ARHGAP26: variants seen among roughly 807,000 people sequenced by gnomAD.
ARHGAP26 encodes rho GTPase-activating protein 26.
ARHGAP26 carries 38 observed loss-of-function variants against 104.8 expected under a neutral mutation model. The ratio of observed to expected loss-of-function variants is 0.36; its 90% confidence interval spans 0.28 to 0.48. The LOEUF is 0.48. ARHGAP26 is among the 20% of genes least tolerant of loss of function. The probability of loss-of-function intolerance (pLI) is 0.99; values close to 1 mark genes in which losing one functional copy is unlikely to be tolerated. For synonymous variants in ARHGAP26, 341 were observed against 340.0 expected, an observed-to-expected ratio of 1.00 and a Z score of -0.03; for missense variants, 704 against 947.9, an observed-to-expected ratio of 0.74 and a Z score of 3.38.
intron 17 of ARHGAP26, among the ~76,000 whole-genome samples, chr5:143,095,674 G>A (rs1792191945): frequency 6.6e-6 from 1 of 152,184 alleles, no homozygotes; most frequent in South Asian, 2.1e-4. Context: ...CTGGGTTCAA[G>A]CAGTTGTCAT....
At chr5:143,022,041 G>T (rs375360683) in intron 12 of ARHGAP26, among the ~76,000 whole-genome samples, 1 of 152,012 alleles carries the variant, frequency 6.6e-6, no homozygotes, top group Non-Finnish European at 1.5e-5. Context: ...TATTGTGGGG[G>T]AACATAAGTT....
intron 17 of ARHGAP26, among the ~76,000 whole-genome samples, chr5:143,095,850 G>A (rs920685348): frequency 1.3e-5 from 2 of 152,224 alleles, no homozygotes; most frequent in Admixed American, 6.5e-5. Context: ...GGGATTATAG[G>A]CATGAGCCAC....
chr5:143,204,955 G>A (rs891510283), intron 20 of ARHGAP26, among the ~76,000 whole-genome samples: 3 of 152,010 alleles, frequency 2.0e-5, no homozygotes, highest in African/African-American at 4.8e-5. Context: ...GCTGGGCTGT[G>A]GTTTGAAAGT....
intron 12 of ARHGAP26, among the ~76,000 whole-genome samples, chr5:143,014,566 CTG>C (rs1227559125): frequency 3.3e-5 from 5 of 152,150 alleles, no homozygotes; most frequent in Non-Finnish European, 4.4e-5. Flanking sequence ...TTCTTAGTAA[CTG>C]TTTTCTTTGT....
chr5:143,115,065 G>A (rs926810716), intron 17 of ARHGAP26, among the ~76,000 whole-genome samples: 1 of 151,962 alleles, frequency 6.6e-6, no homozygotes, highest in Non-Finnish European at 1.5e-5. Flanking sequence ...AGGTGTAGTG[G>A]CTTATGCCTG....
chr5:142,829,301 G>A (rs976459725), intron 1 of ARHGAP26, among the ~76,000 whole-genome samples: 7 of 152,162 alleles, frequency 4.6e-5, no homozygotes, highest in Non-Finnish European at 7.3e-5. Flanking sequence ...CCCCTTTCTC[G>A]AAACCGTCTG....
chr5:143,214,433 T>G (rs1183628865), intron 22 of ARHGAP26, among the ~76,000 whole-genome samples: 5 of 152,238 alleles, frequency 3.3e-5, no homozygotes, highest in Non-Finnish European at 7.3e-5. Context: ...GTACTCAACA[T>G]GTATTAAGCA....
At chr5:142,843,714 G>T (rs1226593038) in intron 1 of ARHGAP26, among the ~76,000 whole-genome samples, 1 of 152,150 alleles carries the variant, frequency 6.6e-6, no homozygotes, top group Non-Finnish European at 1.5e-5. Context: ...AGTAGAAAAA[G>T]CATTGAATTA....
intron 5 of ARHGAP26, among the ~76,000 whole-genome samples, chr5:142,893,347 C>G (rs897976902): frequency 1.3e-5 from 2 of 152,106 alleles, no homozygotes; most frequent in East Asian, 3.9e-4. Flanking sequence ...TTTTTAGCAC[C>G]TACATATGAA....
chr5:143,012,544 C>CATATATATATATATATATATATAT (rs1562259165), intron 11 of ARHGAP26, among the ~76,000 whole-genome samples: 6 of 43,084 alleles, frequency 1.4e-4, no homozygotes, highest in Non-Finnish European at 3.0e-4. Flanking sequence ...TATTTATATA[C>CATATATATATATATATATATATAT]ATACATACAT....
chr5:142,952,616 A>C (rs573048400), intron 11 of ARHGAP26, among the ~76,000 whole-genome samples: 1 of 152,090 alleles, frequency 6.6e-6, no homozygotes, highest in South Asian at 2.1e-4. Context: ...TTTTTCAGCT[A>C]TTCAAAGGTA....
rs1177835416 is a variant in ARHGAP26, at chr5:143,223,704, G to A, written c.*1258G>A. ...TATGTTCACTGCCACTCTGAAAAAG[G>A]GAATTATTTCTCAGTCTTTCAAGGC... On this transcript the variant is annotated 3_prime_UTR_variant, in exon 23 of 23. Coordinates refer to ENST00000645722, the MANE Select transcript of ARHGAP26 (RefSeq NM_001135608.3). The A allele has an allele frequency of 4.3e-6, 1 of 231,162 alleles. No homozygotes were observed. The highest frequency in any genetic ancestry group is 6.1e-5 in the East Asian group (1 of 16,286). 14.3% of individuals were successfully genotyped at this position (231,162 alleles called of 1,614,324 possible). A position where few individuals can be genotyped will look rare whatever the true frequency, so the allele number is the denominator to read the frequency against.
chr5:143,012,188 G>C (rs909677713), intron 11 of ARHGAP26, among the ~76,000 whole-genome samples: 2 of 151,968 alleles, frequency 1.3e-5, no homozygotes, highest in African/African-American at 4.8e-5. Context: ...TCATCTTTCT[G>C]ACCTTTAATA....
At chr5:143,108,479 T>A (rs1333632013) in intron 17 of ARHGAP26, among the ~76,000 whole-genome samples, 1 of 152,176 alleles carries the variant, frequency 6.6e-6, no homozygotes, top group African/African-American at 2.4e-5. Context: ...AAACATAATC[T>A]AAAAGTACCG....
In ARHGAP26 at chr5:143,213,062, G is replaced by A. The variant is rs544116357; in HGVS notation, c.2100-935G>A. Among the ~76,000 whole-genome samples the A allele has an allele frequency of 2.4e-3, 359 of 152,172 alleles. 2 individuals are homozygous for A. The highest frequency in any genetic ancestry group is 7.9e-3 in the African/African-American group (328 of 41,516). On this transcript the variant is annotated intron_variant, in intron 21 of 22. Coordinates refer to ENST00000645722, the MANE Select transcript of ARHGAP26 (RefSeq NM_001135608.3). ...CGGGAGGCTGAGGCAGGAGAATGGC[G>A]TGAACCCAGGAGGCGGAGCTTGCAG...
chr5:143,181,976 C>G (rs1804449365), intron 20 of ARHGAP26, among the ~76,000 whole-genome samples: 1 of 152,172 alleles, frequency 6.6e-6, no homozygotes, highest in African/African-American at 2.4e-5. Context: ...GCCTCCCTGG[C>G]TTGTACGCTC....
chr5:143,011,551 A>G (rs1183455884), intron 11 of ARHGAP26, among the ~76,000 whole-genome samples: 2 of 152,148 alleles, frequency 1.3e-5, no homozygotes, highest in Non-Finnish European at 2.9e-5. Flanking sequence ...GGAAATTATT[A>G]TTTAGGAGGT....
chr5:143,054,633 G>A, intron 15 of ARHGAP26, 107 bp downstream of exon 15: 1 of 752,134 alleles, frequency 1.3e-6, no homozygotes, highest in Non-Finnish European at 2.2e-6. Context: ...GGGTGTTTGA[G>A]ATGTGGAAAC....
intron 5 of ARHGAP26, among the ~76,000 whole-genome samples, chr5:142,887,834 G>A (rs1359246582): frequency 6.6e-6 from 1 of 152,102 alleles, no homozygotes; most frequent in Non-Finnish European, 1.5e-5. Context: ...GCATGGTGGT[G>A]GGTGCCTGTA....
Sources: gnomAD v4.1 joint callset for allele counts (sites outside exome capture counted in the v4.1 genomes callset) on GRCh38, gnomAD v4.1.1 for gene constraint, MANE v1.5 for transcripts, NCBI Gene and HGNC (gene_info 2026-07-23, HGNC 2026-07-21) for gene names.